TAF4B: variants seen among roughly 807,000 people sequenced by gnomAD.
TAF4B encodes transcription initiation factor TFIID subunit 4B.
A neutral mutation model predicts 86.4 loss-of-function variants in TAF4B; 38 were observed. The observed-to-expected ratio is 0.44, with a 90% CI of 0.34 to 0.58. The LOEUF is 0.58. TAF4B is among the 20% of genes least tolerant of loss of function. TAF4B has a pLI of 0.02. For missense variants in TAF4B, 988 were observed against 1,027.6 expected, an observed-to-expected ratio of 0.96 and a Z score of 0.53; for synonymous variants, 388 against 391.2, an observed-to-expected ratio of 0.99 and a Z score of 0.10.
chr18:26,343,367 G>A (rs78832841), intron 13 of TAF4B, among the ~76,000 whole-genome samples: 2,902 of 152,280 alleles, frequency 0.019, 79 homozygotes, highest in African/African-American at 0.066. Flanking sequence ...TTTGCCATAT[G>A]TGGATCTTAT....
chr18:26,326,809 C>T (rs2057008534), intron 11 of TAF4B, among the ~76,000 whole-genome samples: 1 of 152,098 alleles, frequency 6.6e-6, no homozygotes, highest in African/African-American at 2.4e-5. Flanking sequence ...AATCATCTCT[C>T]AAATTTTAAG....
chr18:26,346,625 A>G (rs1210643163), intron 13 of TAF4B, among the ~76,000 whole-genome samples: 1 of 150,248 alleles, frequency 6.7e-6, no homozygotes, highest in Non-Finnish European at 1.5e-5. Context: ...AAATAAAGGT[A>G]TTCTTATCAG....
intron 14 of TAF4B, among the ~76,000 whole-genome samples, chr18:26,382,581 A>G (rs960714858): frequency 3.3e-5 from 5 of 152,084 alleles, no homozygotes; most frequent in South Asian, 4.1e-4. Context: ...AGGACTTTAC[A>G]TACCCCACCT....
chr18:26,356,978 A>G (rs184914076), intron 13 of TAF4B, among the ~76,000 whole-genome samples: 49 of 152,284 alleles, frequency 3.2e-4, no homozygotes, highest in African/African-American at 1.1e-3. Context: ...GCTGTACAAC[A>G]AAACAGTACT....
chr18:26,282,443 A>AT (rs2056462044), intron 6 of TAF4B, among the ~76,000 whole-genome samples: 1 of 152,240 alleles, frequency 6.6e-6, no homozygotes, highest in African/African-American at 2.4e-5. Flanking sequence ...GGTATACTTT[A>AT]TTAGGTATAC....
At position 26,315,277 on chromosome 18, in the gene TAF4B, TAATG is replaced by T. The variant is rs756446277; in HGVS notation, c.1884_1887del (p.Asn628LysfsTer7). On this transcript the variant is annotated frameshift_variant, in exon 10 of 15. Transcript: ENST00000269142. LOFTEE classifies it high-confidence loss of function. ...TGACTTCTATGGCAGGGGTCAACCT[TAATG>T]AAGAAAATGCCTGCATCTTAGCAAC... 1.9e-6 allele frequency: 3 copies of T among 1,613,240 alleles called. No homozygotes were observed. The highest frequency in any genetic ancestry group is 2.5e-6 in the Non-Finnish European group (3 of 1,179,934).
chr18:26,317,909 G>GC (rs2056928073), intron 10 of TAF4B, among the ~76,000 whole-genome samples: 1 of 152,186 alleles, frequency 6.6e-6, no homozygotes, highest in African/African-American at 2.4e-5. Flanking sequence ...TTTAGTCCAT[G>GC]CAACTGTATC....
chr18:26,231,796 T>C (rs938441970), intron 1 of TAF4B, among the ~76,000 whole-genome samples: 3 of 152,080 alleles, frequency 2.0e-5, no homozygotes, highest in African/African-American at 7.2e-5. Context: ...GAGTGAGCGG[T>C]AGCAAGGTTT....
chr18:26,242,688 T>C (rs571408342), intron 1 of TAF4B, among the ~76,000 whole-genome samples: 234 of 152,352 alleles, frequency 1.5e-3, no homozygotes, highest in Non-Finnish European at 2.6e-3. Context: ...ATCGATGGTC[T>C]TTACAATTTG....
chr18:26,256,880 A>G (rs1003858976), intron 1 of TAF4B, among the ~76,000 whole-genome samples: 5 of 150,310 alleles, frequency 3.3e-5, no homozygotes, highest in South Asian at 2.1e-4. Flanking sequence ...GAGACCATAC[A>G]TTGTATTAGG....
At chr18:26,315,094 A>ACCTCTCTCTC in intron 9 of TAF4B, 135 bp from the exon 10 acceptor site, 1 of 324,342 alleles carries the variant, frequency 3.1e-6, no homozygotes. Context: ...TGCTCTCTGA[A>ACCTCTCTCTC]ACTCTCTCTC....
intron 9 of TAF4B, among the ~76,000 whole-genome samples, chr18:26,310,537 C>G (rs972297170): frequency 8.3e-4 from 127 of 152,164 alleles, no homozygotes; most frequent in Admixed American, 4.8e-3. Flanking sequence ...TAGAGAGGCT[C>G]TGCTTGAGAG....
chr18:26,255,585 A>G (rs1428407515), intron 1 of TAF4B: 24 of 619,942 alleles, frequency 3.9e-5, no homozygotes, highest in Non-Finnish European at 5.4e-5. Flanking sequence ...CTGGACAACA[A>G]GAGCAAAACT....
At chr18:26,292,544 C>G (rs1336109713) in intron 8 of TAF4B, among the ~76,000 whole-genome samples, 163 bp downstream of exon 8, 2 of 152,178 alleles carry the variant, frequency 1.3e-5, no homozygotes, top group Non-Finnish European at 2.9e-5. Flanking sequence ...TCTCCCCAGA[C>G]GGAGTCTTGC....
chr18:26,261,496 G>A (rs1172122834), intron 1 of TAF4B, among the ~76,000 whole-genome samples: 5 of 152,252 alleles, frequency 3.3e-5, no homozygotes, highest in African/African-American at 9.6e-5. Flanking sequence ...CACTGCGCCC[G>A]GCCAGCACTG....
In TAF4B at chr18:26,259,866, T is replaced by C. The variant is rs529145739; in HGVS notation, c.344-5304T>C. Among the ~76,000 whole-genome samples the C allele has an allele frequency of 2.9e-3, 436 of 152,118 alleles. 5 individuals carry two copies. The highest frequency in any genetic ancestry group is 9.9e-3 in the African/African-American group (411 of 41,536). On this transcript the variant is annotated intron_variant, in intron 1 of 14. Transcript: ENST00000269142. ...TCCTTGAGGAATTGCCACACTGTCT[T>C]CCACAATGGTTGAATTAGTTTACAT...
intron 5 of TAF4B, among the ~76,000 whole-genome samples, chr18:26,280,178 A>C (rs2056431067): frequency 6.6e-6 from 1 of 152,206 alleles, no homozygotes; most frequent in African/African-American, 2.4e-5. Context: ...GATGGATTAA[A>C]GATTTAAATG....
At chr18:26,295,882 T>C (rs1014552220) in intron 9 of TAF4B, among the ~76,000 whole-genome samples, 12 of 152,164 alleles carry the variant, frequency 7.9e-5, no homozygotes, top group African/African-American at 2.4e-4. Context: ...AGGTGGTGGT[T>C]CCTCAATTCC....
intron 1 of TAF4B, among the ~76,000 whole-genome samples, chr18:26,232,317 C>T (rs1372778233): frequency 1.3e-5 from 2 of 152,038 alleles, no homozygotes; most frequent in African/African-American, 4.8e-5. Context: ...GAAGAAGGGG[C>T]CCTGCAGTTG....
Sources: gnomAD v4.1 joint callset for allele counts (sites outside exome capture counted in the v4.1 genomes callset) on GRCh38, gnomAD v4.1.1 for gene constraint, MANE v1.5 for transcripts, NCBI Gene and HGNC (gene_info 2026-07-23, HGNC 2026-07-21) for gene names.